The following FER1L6 variants were observed in gnomAD, a reference collection of about 807,000 sequenced individuals.
FER1L6 encodes fer-1-like protein 6.
Under a neutral mutation model 219.2 loss-of-function variants are expected in FER1L6, and 177 were observed. The observed-to-expected ratio is 0.81, with a 90% CI of 0.71 to 0.91. FER1L6 has a LOEUF of 0.91. Ranked by LOEUF, FER1L6 falls within the 40% of genes least tolerant of loss-of-function variation. The pLI is 0.00. For missense variants in FER1L6, 2,153 were observed against 2,259.9 expected (o/e 0.95, Z 0.96); for synonymous variants, 768 against 824.3 (o/e 0.93, Z 1.17).
At chr8:123,922,749 A>G (rs1813408021) in intron 1 of FER1L6, among the ~76,000 whole-genome samples, 2 of 152,114 alleles carry the variant, frequency 1.3e-5, no homozygotes, top group Non-Finnish European at 2.9e-5. Flanking sequence ...GATGTGTATA[A>G]TTATTGTGGT....
At chr8:124,069,158 G>A (rs1484385555) in intron 28 of FER1L6, among the ~76,000 whole-genome samples, 2 of 151,758 alleles carry the variant, frequency 1.3e-5, no homozygotes, top group African/African-American at 2.4e-5. Context: ...GGATGGTCTC[G>A]ATCTCCTGAC....
intron 6 of FER1L6, among the ~76,000 whole-genome samples, chr8:123,971,678 AC>A (rs1815821519): frequency 6.6e-6 from 1 of 152,246 alleles, no homozygotes; most frequent in African/African-American, 2.4e-5. Context: ...GTTTAACACA[AC>A]TTTTCTGTTA....
rs942980696 is a variant in FER1L6, at chr8:123,949,601, G to T, written c.-7-6391G>T. 1.8e-4 allele frequency among the ~76,000 whole-genome samples: 28 copies of T among 152,300 alleles called. 1 individual carries two copies. Among genetic ancestry groups the T allele is most frequent in the Admixed American group, 1.8e-3 (28 of 15,296 alleles). ...CAATTGGAGGAAGCTGTTTGGACTA[G>T]AGTCCAGATTGATTTTCAAATACTT... On this transcript the variant is annotated intron_variant, in intron 1 of 40. Coordinates refer to ENST00000522917, the MANE Select transcript of FER1L6 (RefSeq NM_001039112.2).
At chr8:124,067,898 C>A in intron 28 of FER1L6, 92 bp downstream of exon 28, 2 of 944,126 alleles carry the variant, frequency 2.1e-6, no homozygotes, top group Non-Finnish European at 3.4e-6. Context: ...TGTATTAGAG[C>A]TCAACTCCCT....
intron 1 of FER1L6, among the ~76,000 whole-genome samples, chr8:123,899,322 CA>C (rs751569250): frequency 1.1e-4 from 16 of 152,126 alleles, no homozygotes; most frequent in Admixed American, 5.2e-4. Context: ...ATTGTCTATT[CA>C]TGCCCTTAGC....
At chr8:123,966,844 G>A in intron 5 of FER1L6, among the ~76,000 whole-genome samples, 1 of 152,158 alleles carries the variant, frequency 6.6e-6, no homozygotes, top group Middle Eastern at 3.2e-3. Context: ...CACTTTGGGA[G>A]GCCACGGCGT....
chr8:124,115,445 G>A (rs1310412195), intron 39 of FER1L6, among the ~76,000 whole-genome samples: 7 of 152,012 alleles, frequency 4.6e-5, no homozygotes, highest in African/African-American at 1.7e-4. Flanking sequence ...GCAGGGTGGT[G>A]GAGCTGGCGC....
chr8:123,931,046 G>A (rs1813742776), intron 1 of FER1L6, among the ~76,000 whole-genome samples: 1 of 152,148 alleles, frequency 6.6e-6, no homozygotes, highest in Non-Finnish European at 1.5e-5. Context: ...ATCCTTTGGT[G>A]GTAGGCTTTA....
intron 1 of FER1L6, among the ~76,000 whole-genome samples, chr8:123,904,224 T>TTG (rs56224402): frequency 0.13 from 18,070 of 139,314 alleles, 1,191 homozygotes; most frequent in Middle Eastern, 0.22. Context: ...CTCTGTATAT[T>TTG]TGTGTGTGTG....
intron 13 of FER1L6, among the ~76,000 whole-genome samples, chr8:124,005,833 G>A (rs138577778): frequency 8.9e-4 from 136 of 152,346 alleles, no homozygotes; most frequent in African/African-American, 3.3e-3. Flanking sequence ...TAAAGGATGA[G>A]AATGTGCTTA....
intron 1 of FER1L6, among the ~76,000 whole-genome samples, chr8:123,938,248 T>A (rs1322406842): frequency 6.6e-6 from 1 of 152,222 alleles, no homozygotes; most frequent in African/African-American, 2.4e-5. Context: ...GAATACCTCC[T>A]TGGTACATGG....
intron 13 of FER1L6, chr8:124,004,134 A>C (rs76927470): frequency 2.0e-5 from 3 of 151,730 alleles, no homozygotes; most frequent in Admixed American, 6.6e-5. Context: ...AAAAAAAAAA[A>C]AACAATTGTC....
intron 1 of FER1L6, among the ~76,000 whole-genome samples, chr8:123,935,361 C>T (rs1055409591): frequency 6.6e-6 from 1 of 152,134 alleles, no homozygotes; most frequent in African/African-American, 2.4e-5. Flanking sequence ...TGAGCACTTC[C>T]TTAGTTTCTG....
chr8:124,066,796 G>T (rs557558815), intron 27 of FER1L6, among the ~76,000 whole-genome samples: 1 of 152,282 alleles, frequency 6.6e-6, no homozygotes, highest in Non-Finnish European at 1.5e-5. Context: ...CTGGAAGGAT[G>T]TTCAGTCTAG....
At chr8:124,007,494 T>G (rs1381376686) in intron 13 of FER1L6, among the ~76,000 whole-genome samples, 1 of 152,200 alleles carries the variant, frequency 6.6e-6, no homozygotes, top group Non-Finnish European at 1.5e-5. Flanking sequence ...TTTTGTTATA[T>G]TTCTCCCCCT....
intron 1 of FER1L6, among the ~76,000 whole-genome samples, chr8:123,888,149 C>T (rs1259583366): frequency 1.2e-4 from 18 of 151,758 alleles, no homozygotes; most frequent in African/African-American, 3.9e-4. Context: ...CAGAGTCTCA[C>T]TCTGTCTCCC....
chr8:124,058,653 G>A (rs895423182), intron 22 of FER1L6: 7 of 152,170 alleles, frequency 4.6e-5, no homozygotes, highest in African/African-American at 1.7e-4. Context: ...TAAAACATAT[G>A]ATGCTTTTTA....
Position 124,007,189 on chromosome 8 carries a change from T to G in FER1L6, c.1701-3405T>G, listed in dbSNP as rs1367169685. On this transcript the variant is annotated intron_variant, in intron 13 of 40. Coordinates refer to ENST00000522917, the MANE Select transcript of FER1L6 (RefSeq NM_001039112.2). ...TTGTCTCCTTCAGAGGAAATTTGCGTGGAAGAGCTAAAAAGAATAACCATC... is the reference window on the plus strand; with the variant it reads ...TTGTCTCCTTCAGAGGAAATTTGCGGGGAAGAGCTAAAAAGAATAACCATC... 2.0e-5 allele frequency among the ~76,000 whole-genome samples: 3 copies of G among 152,172 alleles called. No homozygotes were observed. The East Asian group carries it at 5.8e-4, about 29-fold the overall frequency.
intron 1 of FER1L6, among the ~76,000 whole-genome samples, chr8:123,903,680 T>C (rs1468645445): frequency 6.6e-6 from 1 of 152,140 alleles, no homozygotes; most frequent in East Asian, 1.9e-4. Flanking sequence ...CAGCACAATG[T>C]CAGGCATATG....
Sources: allele counts gnomAD v4.1 joint callset (sites outside exome capture counted in the v4.1 genomes callset), GRCh38; gene constraint gnomAD v4.1.1; transcripts MANE v1.5; gene names NCBI Gene and HGNC (gene_info 2026-07-23, HGNC 2026-07-21).